TNIP1: variants seen among roughly 807,000 people sequenced by gnomAD.
TNIP1 encodes the protein TNFAIP3-interacting protein 1.
In TNIP1, 22 loss-of-function variants were observed where a neutral mutation model predicts 86.6. The observed-to-expected ratio is 0.25, with a 90% CI of 0.18 to 0.36. The LOEUF (loss-of-function observed/expected upper bound fraction) is 0.36. TNIP1 is among the 10% of genes least tolerant of loss of function. TNIP1 has a pLI of 1.00. For missense variants in TNIP1, 709 were observed against 820.6 expected (o/e 0.86, Z 1.66); for synonymous variants, 294 against 313.0 (o/e 0.94, Z 0.64).
intron 1 of TNIP1, among the ~76,000 whole-genome samples, chr5:151,076,662 C>G (rs938393487): frequency 2.6e-5 from 4 of 152,140 alleles, no homozygotes; most frequent in African/African-American, 9.7e-5. Context: ...AACCTCTCCC[C>G]CTCCCTCACA....
chr5:151,040,046 G>T (rs956514200), intron 11 of TNIP1, among the ~76,000 whole-genome samples: 8 of 152,196 alleles, frequency 5.3e-5, no homozygotes, highest in Non-Finnish European at 1.2e-4. Flanking sequence ...GTGAGCTGGG[G>T]CTAGAACCCA....
At chr5:151,045,006 G>A (rs1004446673) in intron 9 of TNIP1, among the ~76,000 whole-genome samples, 1 of 152,216 alleles carries the variant, frequency 6.6e-6, no homozygotes, top group Non-Finnish European at 1.5e-5. Context: ...TTCGGCTGCT[G>A]GCTGGTCCTT....
intron 15 of TNIP1, chr5:151,034,497 G>C: frequency 7.0e-6 from 2 of 287,626 alleles, no homozygotes; most frequent in South Asian, 5.6e-5. Context: ...GCTCATACAT[G>C]GGCACGGAAG....
chr5:151,040,458 A>G (rs1379038725), intron 11 of TNIP1, among the ~76,000 whole-genome samples: 1 of 152,146 alleles, frequency 6.6e-6, no homozygotes, highest in Non-Finnish European at 1.5e-5. Context: ...CCCCATCAAG[A>G]GGCTCCCGGA....
At chr5:151,065,953 T>C (rs1184030751) in intron 1 of TNIP1, among the ~76,000 whole-genome samples, 1 of 152,168 alleles carries the variant, frequency 6.6e-6, no homozygotes, top group Non-Finnish European at 1.5e-5. Context: ...GTTGGAAAGG[T>C]GATTTTAGAA....
At chr5:151,050,407 T>C (rs900300333) in intron 7 of TNIP1, among the ~76,000 whole-genome samples, 1 of 152,258 alleles carries the variant, frequency 6.6e-6, no homozygotes, top group Non-Finnish European at 1.5e-5. Flanking sequence ...CAATGTGCAA[T>C]GATCCTTAGC....
chr5:151,032,054 C>A, intron 17 of TNIP1: 2 of 535,306 alleles, frequency 3.7e-6, no homozygotes, highest in Non-Finnish European at 6.6e-6. Flanking sequence ...GTTCTCTAGG[C>A]ATCCATAGCA....
In TNIP1 at chr5:151,064,946, A is replaced by G; in HGVS notation, c.136+14T>C. 6.2e-7 allele frequency: 1 copy of G among 1,614,030 alleles called. No homozygotes were observed. Among genetic ancestry groups the G allele is most frequent in the East Asian group, 2.2e-5 (1 of 44,880 alleles). On this transcript the variant is annotated intron_variant, in intron 2 of 17. Transcript: ENST00000521591. ...GGAGGGGCGCTCGCAGGGAGGGGAC[A>G]GGGTCTGCTTTACCTAACATCTTTA...
At chr5:151,046,024 A>G (rs932629576) in intron 8 of TNIP1, 74 bp from the exon 9 acceptor site, 16 of 1,450,220 alleles carry the variant, frequency 1.1e-5, no homozygotes, top group Non-Finnish European at 1.5e-5. Context: ...GTGCTCCTCT[A>G]AGACCCCTCA....
At chr5:151,081,426 C>T (rs1416403286), upstream of TNIP1, among the ~76,000 whole-genome samples, 2 of 152,088 alleles carry the variant, frequency 1.3e-5, no homozygotes, top group Non-Finnish European at 2.9e-5. Context: ...TGCCAAAAGG[C>T]ACGTAAGCAT....
At chr5:151,051,919 T>C (rs1226980570) in intron 7 of TNIP1, among the ~76,000 whole-genome samples, 2 of 152,106 alleles carry the variant, frequency 1.3e-5, no homozygotes, top group East Asian at 1.9e-4. Flanking sequence ...AGGAAGGAAG[T>C]ACAATCTATG....
chr5:151,035,248 G>A (rs1163291170), intron 14 of TNIP1, among the ~76,000 whole-genome samples, 181 bp from the exon 15 acceptor site: 1 of 152,224 alleles, frequency 6.6e-6, no homozygotes, highest in Non-Finnish European at 1.5e-5. Flanking sequence ...GTTGCTGCAG[G>A]CCACCTGCTT....
At chr5:151,051,783 G>A (rs1759957982) in intron 7 of TNIP1, among the ~76,000 whole-genome samples, 2 of 152,122 alleles carry the variant, frequency 1.3e-5, no homozygotes, top group South Asian at 4.1e-4. Context: ...TAGTCCAGTG[G>A]GGGAGCTCTC....
At chr5:151,038,949 A>G (rs1025355893) in intron 12 of TNIP1, 148 bp downstream of exon 12, 3 of 1,111,576 alleles carry the variant, frequency 2.7e-6, no homozygotes, top group African/African-American at 3.2e-5. Context: ...GTGGGAGGCA[A>G]TGGCAGAGCA....
intron 4 of TNIP1, among the ~76,000 whole-genome samples, chr5:151,061,879 C>G (rs1761613273): frequency 6.6e-6 from 1 of 152,234 alleles, no homozygotes; most frequent in African/African-American, 2.4e-5. Flanking sequence ...TAACAGTATA[C>G]AACTTAGTAA....
intron 1 of TNIP1, among the ~76,000 whole-genome samples, chr5:151,072,104 A>G (rs1356666612): frequency 6.6e-6 from 1 of 152,220 alleles, no homozygotes; most frequent in African/African-American, 2.4e-5. Flanking sequence ...CATTTGCCTG[A>G]GAATACACAG....
At chr5:151,085,470 T>C (rs1183155672), upstream of TNIP1, among the ~76,000 whole-genome samples, 5 of 152,222 alleles carry the variant, frequency 3.3e-5, no homozygotes, top group Non-Finnish European at 5.9e-5. Context: ...GCATTGCTGC[T>C]GACTTTTCTC....
chr5:151,044,599 A>G (rs777456693), intron 9 of TNIP1, among the ~76,000 whole-genome samples: 1 of 152,232 alleles, frequency 6.6e-6, no homozygotes, highest in Non-Finnish European at 1.5e-5. Flanking sequence ...ACTAATATGC[A>G]CATCAAGAAG....
At chr5:151,068,315 C>G (rs1265029774) in intron 1 of TNIP1, among the ~76,000 whole-genome samples, 1 of 152,140 alleles carries the variant, frequency 6.6e-6, no homozygotes, top group African/African-American at 2.4e-5. Context: ...GGGAACTCTC[C>G]CTCTGATCAA....
Sources: allele counts gnomAD v4.1 joint callset (sites outside exome capture counted in the v4.1 genomes callset), GRCh38; gene constraint gnomAD v4.1.1; transcripts MANE v1.5; gene names NCBI Gene and HGNC (gene_info 2026-07-23, HGNC 2026-07-21).